Variants in SPATS2L observed in about 807,000 individuals in gnomAD.
SPATS2L encodes the protein spermatogenesis associated serine rich 2 like.
In SPATS2L, 30 loss-of-function variants were observed where a neutral mutation model predicts 59.6. The ratio of observed to expected loss-of-function variants is 0.50; its 90% CI spans 0.38 to 0.68. SPATS2L has a LOEUF of 0.68. Among genes scored for constraint, SPATS2L ranks in the 30% least tolerant of loss-of-function variants. SPATS2L has a pLI of 0.00. For synonymous variants in SPATS2L, 252 were observed against 263.5 expected (o/e 0.96, Z 0.42); for missense variants, 615 against 700.0 (o/e 0.88, Z 1.37).
chr2:200,335,872 TG>T (rs1340878609), intron 2 of SPATS2L, among the ~76,000 whole-genome samples: 9 of 152,214 alleles, frequency 5.9e-5, no homozygotes, highest in Non-Finnish European at 7.3e-5. Context: ...TCCACATATC[TG>T]GGTGGTTAGG....
At chr2:200,306,202 G>A (rs1241063533), upstream of SPATS2L, 2 of 1,001,698 alleles carry the variant, frequency 2.0e-6, no homozygotes, top group Non-Finnish European at 2.4e-6. Context: ...TTTTGAGCTT[G>A]GATCCTCTCC....
chr2:200,361,252 G>A (rs1319497012), intron 2 of SPATS2L, among the ~76,000 whole-genome samples: 2 of 152,084 alleles, frequency 1.3e-5, no homozygotes, highest in African/African-American at 4.8e-5. Context: ...TCTCATGTAA[G>A]CACAAACCAA....
At chr2:200,316,315 G>A (rs2079376657) in intron 1 of SPATS2L, among the ~76,000 whole-genome samples, 1 of 152,150 alleles carries the variant, frequency 6.6e-6, no homozygotes, top group African/African-American at 2.4e-5. Context: ...CAACCTGGGC[G>A]GCTGTTTTTA....
chr2:200,428,950 A>G (rs1310673301), intron 6 of SPATS2L, among the ~76,000 whole-genome samples: 2 of 152,196 alleles, frequency 1.3e-5, no homozygotes, highest in Non-Finnish European at 2.9e-5. Context: ...TCCACTCATT[A>G]ATCTCCTAGC....
chr2:200,385,548 C>G (rs189876454), intron 2 of SPATS2L, among the ~76,000 whole-genome samples: 4 of 152,238 alleles, frequency 2.6e-5, no homozygotes, highest in Admixed American at 2.6e-4. Context: ...TCCGGACATT[C>G]TGGAGGGACT....
chr2:200,363,204 T>A (rs548200988), intron 2 of SPATS2L, among the ~76,000 whole-genome samples: 42 of 152,322 alleles, frequency 2.8e-4, no homozygotes, highest in Non-Finnish European at 4.0e-4. Flanking sequence ...GTTTTTTTTT[T>A]AATTATACTA....
chr2:200,421,486 A>G (rs1210753715), intron 6 of SPATS2L, among the ~76,000 whole-genome samples: 2 of 152,218 alleles, frequency 1.3e-5, no homozygotes, highest in Non-Finnish European at 2.9e-5. Flanking sequence ...CATGTACCAA[A>G]TCAGGGTGGC....
intron 2 of SPATS2L, among the ~76,000 whole-genome samples, chr2:200,344,965 A>G (rs2080463562): frequency 6.6e-6 from 1 of 152,214 alleles, no homozygotes; most frequent in Non-Finnish European, 1.5e-5. Flanking sequence ...GCTGGATACT[A>G]GACCTTTGTC....
At chr2:200,477,200 G>C (rs2087594839) in intron 12 of SPATS2L, among the ~76,000 whole-genome samples, 1 of 152,154 alleles carries the variant, frequency 6.6e-6, no homozygotes, top group African/African-American at 2.4e-5. Context: ...GTCTTGGCCA[G>C]GGACCCTGCC....
intron 6 of SPATS2L, among the ~76,000 whole-genome samples, chr2:200,427,500 GTAT>G (rs1380659918): frequency 4.7e-5 from 7 of 147,856 alleles, no homozygotes; most frequent in Admixed American, 1.4e-4. Flanking sequence ...AAATATACAT[GTAT>G]TATTATATAT....
intron 6 of SPATS2L, among the ~76,000 whole-genome samples, chr2:200,432,492 C>G (rs1236565359): frequency 1.3e-5 from 2 of 152,208 alleles, no homozygotes; most frequent in Non-Finnish European, 2.9e-5. Flanking sequence ...GGGCAGTGAT[C>G]TGCAAGTACA....
chr2:200,375,078 T>A (rs2105898682), intron 2 of SPATS2L, among the ~76,000 whole-genome samples: 1 of 152,296 alleles, frequency 6.6e-6, no homozygotes. Context: ...GTAGAGAGGA[T>A]GTGTGTCTGC....
chr2:200,457,699 T>G (rs2085947260), intron 8 of SPATS2L, among the ~76,000 whole-genome samples: 1 of 152,246 alleles, frequency 6.6e-6, no homozygotes, highest in South Asian at 2.1e-4. Flanking sequence ...TGCCATGCAC[T>G]GTGCAATTAG....
chr2:200,332,082 CT>C (rs1007896548), intron 2 of SPATS2L, among the ~76,000 whole-genome samples: 7 of 151,968 alleles, frequency 4.6e-5, no homozygotes, highest in African/African-American at 1.7e-4. Context: ...ACATTTTGTT[CT>C]CTTGGTATGC....
chr2:200,350,429 A>G (rs2080681076), intron 2 of SPATS2L, among the ~76,000 whole-genome samples: 1 of 152,176 alleles, frequency 6.6e-6, no homozygotes, highest in Non-Finnish European at 1.5e-5. Flanking sequence ...AGATCAGCAC[A>G]GTGTTAACCA....
Position 200,479,326 on chromosome 2 carries a change from G to C in SPATS2L, c.*1295G>C, listed in dbSNP as rs765802870. On this transcript the variant is annotated 3_prime_UTR_variant, in exon 13 of 13. Coordinates refer to ENST00000409140, the MANE Select transcript of SPATS2L (RefSeq NM_001100423.2). ...TCTATTTTCCACACTGTCCAGAGGAGAGAAGTTATCCTAGTAGCTTCTACA... is the reference window on the plus strand; with the variant it reads ...TCTATTTTCCACACTGTCCAGAGGACAGAAGTTATCCTAGTAGCTTCTACA... 1 of 382,512 alleles carries C rather than the reference G, an allele frequency of 2.6e-6. No individual in the cohort carries two copies. The highest frequency in any genetic ancestry group is 4.6e-6 in the Non-Finnish European group (1 of 216,430). The allele number at this position is 382,512 out of a possible 1,614,324, so 23.7% of individuals were successfully genotyped here.
intron 11 of SPATS2L, 26 bp downstream of exon 11, chr2:200,470,042 A>G: frequency 6.4e-7 from 1 of 1,555,552 alleles, no homozygotes; most frequent in Non-Finnish European, 8.8e-7. Flanking sequence ...TTGCTGAATA[A>G]TTCTGTGTGA....
In SPATS2L at chr2:200,360,967, CTG is replaced by C. The variant is rs145080452; in HGVS notation, c.-22-28227_-22-28226del. ...TAGAACAGAACAGAGCAGAACAGGG[CTG>C]TGTGTGTGTGTGTGTGTGTGTGTGT... is the stretch of plus-strand genomic sequence containing the variant. On this transcript the variant is annotated intron_variant, in intron 2 of 12. Transcript: ENST00000409140. Among the ~76,000 whole-genome samples the C allele has an allele frequency of 5.3e-3, 742 of 140,340 alleles. 9 individuals are homozygous for C. The highest frequency in any genetic ancestry group is 0.017 in the African/African-American group (657 of 38,002). 92.1% of individuals were successfully genotyped at this position (140,340 alleles called of 152,430 possible).
intron 3 of SPATS2L, among the ~76,000 whole-genome samples, chr2:200,392,694 G>A (rs1391273253): frequency 2.6e-5 from 4 of 152,094 alleles, no homozygotes; most frequent in African/African-American, 9.7e-5. Flanking sequence ...GGATATGGAG[G>A]GCCAATTGTA....
Sources: allele counts gnomAD v4.1 joint callset (sites outside exome capture counted in the v4.1 genomes callset), GRCh38; gene constraint gnomAD v4.1.1; transcripts MANE v1.5; gene names NCBI Gene and HGNC (gene_info 2026-07-23, HGNC 2026-07-21).